The following HIVEP3 variants were observed in gnomAD, a reference collection of about 807,000 sequenced individuals.
HIVEP3 encodes HIVEP zinc finger 3.
A neutral mutation model predicts 152.8 loss-of-function variants in HIVEP3; 49 were observed. That is an observed-to-expected ratio of 0.32 (90% confidence interval 0.26 to 0.41). The LOEUF (loss-of-function observed/expected upper bound fraction) is 0.41, where lower values mean the gene tolerates loss of function less well. Among genes scored for constraint, HIVEP3 ranks in the 10% least tolerant of loss-of-function variants. HIVEP3 has a pLI of 1.00. For synonymous variants in HIVEP3, 1,269 were observed against 1,289.0 expected (o/e 0.98, Z 0.33); for missense variants, 2,790 against 3,103.3 (o/e 0.90, Z 2.40).
At chr1:41,770,922 C>A (rs1400378857) in intron 1 of HIVEP3, among the ~76,000 whole-genome samples, 1 of 152,034 alleles carries the variant, frequency 6.6e-6, no homozygotes, top group Non-Finnish European at 1.5e-5. Flanking sequence ...GTGAAAGGTA[C>A]ACCAGAACTC....
intron 1 of HIVEP3, among the ~76,000 whole-genome samples, chr1:41,990,881 C>T (rs1221822990): frequency 2.4e-5 from 3 of 126,014 alleles, no homozygotes; most frequent in Non-Finnish European, 5.0e-5. Context: ...GGAAACTGAA[C>T]AACCTGCTCC....
At chr1:42,029,540 C>T (rs1026949795) in intron 1 of HIVEP3, among the ~76,000 whole-genome samples, 1 of 152,100 alleles carries the variant, frequency 6.6e-6, no homozygotes, top group South Asian at 2.1e-4. Flanking sequence ...CTTGAAAATC[C>T]GCAACTGTGA....
rs143962878 is a variant in HIVEP3, at chr1:41,581,228, C to G, written c.3570G>C (p.Pro1190=). 5.3e-5 allele frequency: 83 copies of G among 1,574,170 alleles called. No individual in the cohort carries two copies. Among genetic ancestry groups the G allele is most frequent in the Non-Finnish European group, 6.8e-5 (79 of 1,160,064 alleles). ...PLPPSLFQAP[P]LPLQPTVLHP... is the part of the protein sequence containing the mutation. ...GCAGAACAGTAGGCTGGAGAGGAAG[C>G]GGTGGGGCTTGAAATAAGGAGGGAG... The change falls in exon 4 of 9, where the codon CCG becomes CCC. Residue 1190 remains proline (P), a synonymous_variant. Coordinates refer to ENST00000372583, the MANE Select transcript of HIVEP3 (RefSeq NM_024503.5). This position sits in a 1 kb window ranked among gnomAD's most constrained non-coding sequence, Gnocchi z 4.5.
intron 1 of HIVEP3, among the ~76,000 whole-genome samples, chr1:41,907,688 T>G (rs1430623662): frequency 6.6e-6 from 1 of 152,142 alleles, no homozygotes; most frequent in Non-Finnish European, 1.5e-5. Flanking sequence ...AACTGTCCCT[T>G]GCGCAGAAGT....
At chr1:41,574,126 A>C (rs770382135) in intron 5 of HIVEP3, among the ~76,000 whole-genome samples, 1 of 152,094 alleles carries the variant, frequency 6.6e-6, no homozygotes, top group Non-Finnish European at 1.5e-5. Flanking sequence ...CTCCTGGGAC[A>C]CCAGGAAACA....
At chr1:42,017,051 T>A (rs1267618006) in intron 1 of HIVEP3, among the ~76,000 whole-genome samples, 2 of 152,158 alleles carry the variant, frequency 1.3e-5, no homozygotes, top group African/African-American at 4.8e-5. Context: ...GTATTTTGTA[T>A]CTTTTAATGT....
At chr1:41,991,994 T>TGC (rs1645364962) in intron 1 of HIVEP3, among the ~76,000 whole-genome samples, 1 of 149,432 alleles carries the variant, frequency 6.7e-6, no homozygotes, top group Non-Finnish European at 1.5e-5. Flanking sequence ...TGATGGGACA[T>TGC]ATTTCAAAAT....
chr1:41,868,495 C>G (rs1162120841), intron 1 of HIVEP3, among the ~76,000 whole-genome samples: 1 of 152,186 alleles, frequency 6.6e-6, no homozygotes, highest in Non-Finnish European at 1.5e-5. Flanking sequence ...ACACTGAAAA[C>G]AGATACACCC....
intron 1 of HIVEP3, among the ~76,000 whole-genome samples, chr1:41,716,524 G>A (rs960022671): frequency 2.0e-5 from 3 of 152,206 alleles, no homozygotes; most frequent in Admixed American, 6.5e-5. Context: ...AGAGCTGGGG[G>A]GCCCCGATGA....
intron 1 of HIVEP3, among the ~76,000 whole-genome samples, chr1:41,757,529 G>A (rs57464804): frequency 3.3e-5 from 5 of 151,644 alleles, no homozygotes; most frequent in South Asian, 2.1e-4. Context: ...ATGCCACTGC[G>A]CTCCAGCCTG....
Position 41,533,587 on chromosome 1 carries a change from C to T in HIVEP3, c.5208-8677G>A, listed in dbSNP as rs946070268. Reference sequence around the variant, plus strand: ...TTCTTGCCAAGGTCACAGCTTGCTCCATTGAAAGTCCATTTGCCTCATCCT... The same window carrying T: ...TTCTTGCCAAGGTCACAGCTTGCTCTATTGAAAGTCCATTTGCCTCATCCT... On this transcript the variant is annotated intron_variant, in intron 5 of 8. Transcript: ENST00000372583. The surrounding 1 kb of genome is among the most constrained non-coding windows in gnomAD (Gnocchi z 4.3). Among the ~76,000 whole-genome samples, 12 of 152,118 alleles carry T rather than the reference C, an allele frequency of 7.9e-5. No homozygotes were observed. The highest frequency in any genetic ancestry group is 2.9e-4 in the African/African-American group (12 of 41,416).
intron 3 of HIVEP3, among the ~76,000 whole-genome samples, chr1:41,597,392 A>C (rs1644682669): frequency 6.6e-6 from 1 of 152,252 alleles, no homozygotes; most frequent in Admixed American, 6.5e-5. Context: ...TGTGGGCATA[A>C]TAATTCAGAG....
intron 5 of HIVEP3, among the ~76,000 whole-genome samples, chr1:41,526,341 A>G (rs1376808154): frequency 8.1e-6 from 1 of 123,818 alleles, no homozygotes; most frequent in Non-Finnish European, 1.7e-5. Flanking sequence ...AAACATGCTC[A>G]CACCCCACAC....
intron 3 of HIVEP3, among the ~76,000 whole-genome samples, chr1:41,623,929 C>A (rs915619896): frequency 9.2e-5 from 14 of 152,188 alleles, no homozygotes; most frequent in Non-Finnish European, 1.3e-4. Context: ...TCCCCACCCC[C>A]ACTTCTCTGC....
At chr1:41,672,048 G>A (rs1274195874) in intron 2 of HIVEP3, among the ~76,000 whole-genome samples, 1 of 152,186 alleles carries the variant, frequency 6.6e-6, no homozygotes, top group Non-Finnish European at 1.5e-5. Context: ...GTATCTGCAG[G>A]TGGGAGAGTC....
chr1:41,640,939 C>T (rs116091868), intron 2 of HIVEP3, among the ~76,000 whole-genome samples: 175 of 152,286 alleles, frequency 1.1e-3, no homozygotes, highest in African/African-American at 3.7e-3. Context: ...TGGCCTTCTT[C>T]GAGTCCTTGA....
intron 2 of HIVEP3, among the ~76,000 whole-genome samples, chr1:41,631,675 A>T (rs1189665177): frequency 6.6e-6 from 1 of 151,972 alleles, no homozygotes; most frequent in African/African-American, 2.4e-5. Context: ...GCATCGCAGC[A>T]CCACACAGTG....
intron 1 of HIVEP3, among the ~76,000 whole-genome samples, chr1:41,774,816 A>G (rs1648592273): frequency 7.1e-6 from 1 of 141,262 alleles, no homozygotes; most frequent in Non-Finnish European, 1.6e-5. Context: ...TTATTTTTTG[A>G]GACTGGGCCT....
intron 1 of HIVEP3, among the ~76,000 whole-genome samples, chr1:41,718,632 A>G (rs1646630615): frequency 1.3e-5 from 2 of 152,156 alleles, no homozygotes; most frequent in Non-Finnish European, 2.9e-5. Flanking sequence ...TGATGGGAAT[A>G]AGGGTTGTTT....
Sources: gnomAD v4.1 joint callset for allele counts (sites outside exome capture counted in the v4.1 genomes callset) on GRCh38, gnomAD v4.1.1 for gene constraint, Gnocchi (gnomAD v3.1) non-coding constraint, MANE v1.5 for transcripts, NCBI Gene and HGNC (gene_info 2026-07-23, HGNC 2026-07-21) for gene names.